The following PKN2 variants were observed in gnomAD, a reference collection of about 807,000 sequenced individuals.
The protein encoded by PKN2 is protein kinase N2.
Under a neutral mutation model 119.1 loss-of-function variants are expected in PKN2, and 38 were observed. The ratio of observed to expected loss-of-function variants is 0.32; its 90% CI spans 0.25 to 0.42. The LOEUF (loss-of-function observed/expected upper bound fraction) is 0.42. Ranked by LOEUF, PKN2 falls within the 10% of genes least tolerant of loss-of-function variation. The pLI is 1.00. For synonymous variants in PKN2, 390 were observed against 384.9 expected (o/e 1.01, Z -0.15); for missense variants, 850 against 1,165.1 (o/e 0.73, Z 3.94).
At chr1:88,733,223 C>T (rs571316954) in intron 1 of PKN2, among the ~76,000 whole-genome samples, 39 of 152,178 alleles carry the variant, frequency 2.6e-4, no homozygotes, top group African/African-American at 9.2e-4. Context: ...TGGGATTTAT[C>T]GGATCATGTG....
intron 1 of PKN2, among the ~76,000 whole-genome samples, chr1:88,707,144 A>G (rs1667034926): frequency 6.6e-6 from 1 of 152,060 alleles, no homozygotes; most frequent in Admixed American, 6.5e-5. Flanking sequence ...AAAGGCTGAG[A>G]ATAACTTATG....
At chr1:88,777,934 G>C (rs1358128507) in intron 6 of PKN2, among the ~76,000 whole-genome samples, 14 of 152,078 alleles carry the variant, frequency 9.2e-5, no homozygotes. Context: ...TACAAAATGA[G>C]AACCTGGGTC....
At chr1:88,695,417 A>G (rs901666805) in intron 1 of PKN2, among the ~76,000 whole-genome samples, 4 of 151,946 alleles carry the variant, frequency 2.6e-5, no homozygotes, top group African/African-American at 7.3e-5. Flanking sequence ...TTTCCTTATT[A>G]TATCAATTTG....
At chr1:88,832,227 A>G (rs1410577280) in intron 19 of PKN2, among the ~76,000 whole-genome samples, 2 of 151,992 alleles carry the variant, frequency 1.3e-5, no homozygotes, top group Non-Finnish European at 2.9e-5. Context: ...GCACATTTAT[A>G]TCTGATGTAT....
At chr1:88,693,284 A>G (rs1666402199) in intron 1 of PKN2, among the ~76,000 whole-genome samples, 1 of 152,188 alleles carries the variant, frequency 6.6e-6, no homozygotes, top group East Asian at 1.9e-4. Context: ...ATCAGATTTA[A>G]TACTGGATAT....
At chr1:88,795,550 A>C (rs983263462) in intron 8 of PKN2, among the ~76,000 whole-genome samples, 2 of 152,194 alleles carry the variant, frequency 1.3e-5, no homozygotes, top group Non-Finnish European at 2.9e-5. Flanking sequence ...TGAACAAAAA[A>C]CCTTATGTAT....
chr1:88,775,341 C>A (rs979904614), intron 6 of PKN2, among the ~76,000 whole-genome samples: 3 of 152,242 alleles, frequency 2.0e-5, no homozygotes, highest in Non-Finnish European at 4.4e-5. Flanking sequence ...AATGGTCATA[C>A]AGTTGGAATC....
intron 10 of PKN2, 85 bp from the exon 11 acceptor site, chr1:88,805,411 AC>A: frequency 8.4e-7 from 1 of 1,191,878 alleles, no homozygotes; most frequent in Non-Finnish European, 1.2e-6. Context: ...TAGATTATAA[AC>A]TAATGGATAA....
chr1:88,684,831 G>A, intron 1 of PKN2: 1 of 505,500 alleles, frequency 2.0e-6, no homozygotes, highest in Non-Finnish European at 3.5e-6. Context: ...CCAAAGCCCT[G>A]GCCTGCCACC....
chr1:88,700,257 G>T (rs1038564518), intron 1 of PKN2, among the ~76,000 whole-genome samples: 1 of 151,982 alleles, frequency 6.6e-6, no homozygotes, highest in Non-Finnish European at 1.5e-5. Flanking sequence ...ATTCCTTAGG[G>T]TATATACCCA....
intron 1 of PKN2, 40 bp from the exon 2 acceptor site, chr1:88,740,948 C>G (rs767693830): frequency 3.6e-6 from 5 of 1,398,640 alleles, no homozygotes; most frequent in Admixed American, 2.3e-5. Flanking sequence ...GCAGCCAACT[C>G]TCCTAAACTC....
At chr1:88,753,227 G>T (rs569873565) in intron 2 of PKN2, among the ~76,000 whole-genome samples, 21 of 152,122 alleles carry the variant, frequency 1.4e-4, no homozygotes, top group Non-Finnish European at 3.1e-4. Flanking sequence ...AGCACTTCAT[G>T]ACTTTTTTAT....
intron 3 of PKN2, among the ~76,000 whole-genome samples, chr1:88,768,556 C>T (rs1372700513): frequency 1.3e-5 from 2 of 152,196 alleles, no homozygotes; most frequent in Non-Finnish European, 2.9e-5. Flanking sequence ...AGGACAATCT[C>T]TGTATTTTAA....
chr1:88,759,797 A>G (rs1669365328), intron 2 of PKN2, among the ~76,000 whole-genome samples: 1 of 152,028 alleles, frequency 6.6e-6, no homozygotes. Context: ...GACACATACA[A>G]CCTCCCAAGA....
At chr1:88,811,438 AG>A (rs1671780070) in intron 15 of PKN2, among the ~76,000 whole-genome samples, 3 of 152,242 alleles carry the variant, frequency 2.0e-5, no homozygotes, top group Admixed American at 2.0e-4. Context: ...GGATAGAACT[AG>A]TAACTTAGAG....
At chr1:88,797,124 A>G (rs1176355052) in intron 8 of PKN2, among the ~76,000 whole-genome samples, 1 of 151,818 alleles carries the variant, frequency 6.6e-6, no homozygotes, top group Non-Finnish European at 1.5e-5. Context: ...ACCTGAGGTC[A>G]GGAGTTCAAG....
intron 1 of PKN2, among the ~76,000 whole-genome samples, chr1:88,686,384 A>C (rs1666100423): frequency 6.6e-6 from 1 of 152,138 alleles, no homozygotes; most frequent in Non-Finnish European, 1.5e-5. Context: ...TTTCATGTGT[A>C]TTAATAACAT....
At chr1:88,697,915 C>T (rs1335347112) in intron 1 of PKN2, among the ~76,000 whole-genome samples, 1 of 152,136 alleles carries the variant, frequency 6.6e-6, no homozygotes, top group Non-Finnish European at 1.5e-5. Context: ...TATCTCATGA[C>T]ATTTATTATA....
At chr1:88,710,281 A>C (rs1667174570) in intron 1 of PKN2, among the ~76,000 whole-genome samples, 1 of 152,206 alleles carries the variant, frequency 6.6e-6, no homozygotes, top group Non-Finnish European at 1.5e-5. Context: ...TCTTCCTGGA[A>C]GTGAGTTATG....
Sources: allele counts gnomAD v4.1 joint callset (sites outside exome capture counted in the v4.1 genomes callset), GRCh38; gene constraint gnomAD v4.1.1; transcripts MANE v1.5; gene names NCBI Gene and HGNC (gene_info 2026-07-23, HGNC 2026-07-21).